The following UBXN2A variants were observed in gnomAD, a reference collection of about 807,000 sequenced individuals.
UBXN2A encodes UBX domain-containing protein 2A.
UBXN2A carries 28 observed loss-of-function variants against 28.4 expected under a neutral mutation model. The ratio of observed to expected loss-of-function variants is 0.99; its 90% CI spans 0.73 to 1.35. The LOEUF is 1.35. Among genes scored for constraint, UBXN2A ranks in the 40% most tolerant of loss-of-function variants. The probability of loss-of-function intolerance (pLI) is 0.00; values close to 1 mark genes in which losing one functional copy is unlikely to be tolerated. For synonymous variants in UBXN2A, 97 were observed against 103.6 expected (o/e 0.94, Z 0.39); for missense variants, 253 against 297.9 (o/e 0.85, Z 1.11).
chr2:23,959,904 G>A (rs1033839992), intron 2 of UBXN2A, among the ~76,000 whole-genome samples: 2 of 152,130 alleles, frequency 1.3e-5, no homozygotes, highest in African/African-American at 2.4e-5. Flanking sequence ...TATATAAACT[G>A]TACATTGAGC....
intron 5 of UBXN2A, among the ~76,000 whole-genome samples, chr2:23,983,382 C>T (rs987934077): frequency 6.6e-6 from 1 of 152,142 alleles, no homozygotes. Context: ...TGGCATGTGT[C>T]TGTAATCCCA....
At chr2:23,961,761 T>C (rs1706931264) in intron 2 of UBXN2A, among the ~76,000 whole-genome samples, 1 of 151,216 alleles carries the variant, frequency 6.6e-6, no homozygotes, top group Non-Finnish European at 1.5e-5. Flanking sequence ...TTGGCCAGGA[T>C]GGTCTCTATC....
At chr2:23,988,624 G>A (rs13410198) in intron 6 of UBXN2A, among the ~76,000 whole-genome samples, 34 of 152,236 alleles carry the variant, frequency 2.2e-4, no homozygotes, top group African/African-American at 7.5e-4. Flanking sequence ...TTTGACACTC[G>A]ATTAAAGTGG....
In UBXN2A at chr2:23,958,294, T is replaced by G; in HGVS notation, c.-14-7T>G. ...TCTTTTTACTTACTTTCTTTGTACTTTTACAGTAAGGCGAAAGAGAATGAA... is the reference window on the plus strand; with the variant it reads ...TCTTTTTACTTACTTTCTTTGTACTGTTACAGTAAGGCGAAAGAGAATGAA... On this transcript the variant is annotated splice_polypyrimidine_tract_variant and splice_region_variant and intron_variant, in intron 1 of 6. Coordinates refer to ENST00000309033, the MANE Select transcript of UBXN2A (RefSeq NM_181713.4). 6.3e-7 allele frequency: 1 copy of G among 1,591,426 alleles called. No individual in the cohort carries two copies. The highest frequency in any genetic ancestry group is 1.2e-5 in the South Asian group (1 of 85,630).
chr2:23,952,405 AG>A (rs1336484948), intron 1 of UBXN2A, among the ~76,000 whole-genome samples: 2 of 152,096 alleles, frequency 1.3e-5, no homozygotes, highest in African/African-American at 4.8e-5. Flanking sequence ...CTGGGACTAC[AG>A]GCATATGCCA....
chr2:23,938,986 C>T (rs1375324726), upstream of UBXN2A, among the ~76,000 whole-genome samples: 1 of 152,150 alleles, frequency 6.6e-6, no homozygotes, highest in Non-Finnish European at 1.5e-5. Context: ...TTTGAACTCA[C>T]CACAGGCTCC....
At chr2:23,971,178 A>T (rs1707399365) in intron 2 of UBXN2A, 98 bp from the exon 3 acceptor site, 1 of 1,307,260 alleles carries the variant, frequency 7.6e-7, no homozygotes, top group Admixed American at 2.4e-5. Context: ...ACAGACATGC[A>T]CGTAGCATCT....
chr2:23,935,096 G>A (rs1705485853), intron 1 of UBXN2A, among the ~76,000 whole-genome samples: 2 of 151,868 alleles, frequency 1.3e-5, no homozygotes, highest in South Asian at 2.1e-4. Context: ...CAAAAAAATG[G>A]AGCAAACACC....
At chr2:23,942,544 CGAGTA>C (rs1187347954) in intron 1 of UBXN2A, among the ~76,000 whole-genome samples, 1 of 151,408 alleles carries the variant, frequency 6.6e-6, no homozygotes, top group Non-Finnish European at 1.5e-5. Flanking sequence ...CTCAGCCTCC[CGAGTA>C]GCTGGGACTA....
chr2:23,981,807 C>T (rs1046368425), intron 4 of UBXN2A, among the ~76,000 whole-genome samples: 1 of 151,500 alleles, frequency 6.6e-6, no homozygotes, highest in African/African-American at 2.4e-5. Context: ...AGGATCGCTT[C>T]AGCCCAGGAG....
intron 2 of UBXN2A, among the ~76,000 whole-genome samples, chr2:23,961,117 C>T (rs965810001): frequency 1.8e-4 from 26 of 141,714 alleles, no homozygotes; most frequent in Non-Finnish European, 3.4e-4. Flanking sequence ...TTTTTTGAGA[C>T]GGAGTTTTGC....
At chr2:23,999,255 T>A (rs966586130) in intron 6 of UBXN2A, among the ~76,000 whole-genome samples, 18 of 152,232 alleles carry the variant, frequency 1.2e-4, no homozygotes, top group Non-Finnish European at 2.5e-4. Context: ...AACATAGCCA[T>A]AATTCCTTTG....
At chr2:23,960,852 C>T (rs1344979181) in intron 2 of UBXN2A, among the ~76,000 whole-genome samples, 1 of 152,162 alleles carries the variant, frequency 6.6e-6, no homozygotes, top group Non-Finnish European at 1.5e-5. Flanking sequence ...CCAGTCTGGT[C>T]TCAAACTCCT....
chr2:23,929,446 T>C (rs1229585122), intron 1 of UBXN2A, among the ~76,000 whole-genome samples: 1 of 149,360 alleles, frequency 6.7e-6, no homozygotes, highest in Non-Finnish European at 1.5e-5. Flanking sequence ...GTGCAGTGGC[T>C]AATGCCTGTA....
chr2:23,944,874 G>A (rs1298180997), intron 1 of UBXN2A, among the ~76,000 whole-genome samples: 1 of 152,174 alleles, frequency 6.6e-6, no homozygotes, highest in Non-Finnish European at 1.5e-5. Context: ...GTCCCAGCTA[G>A]AGAGAGCTAA....
chr2:23,986,280 A>T (rs1708127194), intron 6 of UBXN2A, among the ~76,000 whole-genome samples: 1 of 152,074 alleles, frequency 6.6e-6, no homozygotes, highest in Admixed American at 6.6e-5. Context: ...ACTGCACCCC[A>T]GCCTGAGCGA....
intron 5 of UBXN2A, among the ~76,000 whole-genome samples, chr2:23,984,335 C>G (rs1002467571): frequency 1.7e-4 from 26 of 152,192 alleles, no homozygotes; most frequent in African/African-American, 5.8e-4. Flanking sequence ...ATAATTTCTT[C>G]TAGAAATTTA....
At chr2:23,983,698 C>G (rs191434092) in intron 5 of UBXN2A, among the ~76,000 whole-genome samples, 62 of 151,894 alleles carry the variant, frequency 4.1e-4, no homozygotes, top group African/African-American at 1.4e-3. Flanking sequence ...TTTTTTGAGA[C>G]AGAGCCTCAC....
upstream of UBXN2A, chr2:23,939,532 A>G (rs1398468507): frequency 6.6e-6 from 1 of 152,528 alleles, no homozygotes; most frequent in East Asian, 1.9e-4. Flanking sequence ...GGGTCCGTCT[A>G]TTTTCAGGCG....
Sources: gnomAD v4.1 joint callset for allele counts (sites outside exome capture counted in the v4.1 genomes callset) on GRCh38, gnomAD v4.1.1 for gene constraint, MANE v1.5 for transcripts, NCBI Gene and HGNC (gene_info 2026-07-23, HGNC 2026-07-21) for gene names.